The following CA5A variants were observed in gnomAD, a reference collection of about 807,000 sequenced individuals.
CA5A encodes the protein carbonic anhydrase 5A, mitochondrial.
A neutral mutation model predicts 37.1 loss-of-function variants in CA5A; 28 were observed. That is an observed-to-expected ratio of 0.75 (90% CI 0.56 to 1.03). The LOEUF is 1.03. CA5A is among the 50% of genes least tolerant of loss of function. CA5A has a pLI of 0.00. For synonymous variants in CA5A, 171 were observed against 158.4 expected (o/e 1.08, Z -0.60); for missense variants, 444 against 399.9 (o/e 1.11, Z -0.94).
chr16:87,897,668 G>T (rs1271986897), intron 5 of CA5A, among the ~76,000 whole-genome samples: 1 of 152,222 alleles, frequency 6.6e-6, no homozygotes, highest in African/African-American at 2.4e-5. Flanking sequence ...TGCGGGAGGT[G>T]GGCGCCAGGA....
At chr16:87,887,958 G>A (rs188747969), downstream of CA5A, 247 of 963,460 alleles carry the variant, frequency 2.6e-4, 2 homozygotes, top group African/African-American at 3.4e-3. Flanking sequence ...TGTTCCCCAC[G>A]GTACTTACAC....
At chr16:87,890,199 A>G (rs1445160127) in intron 6 of CA5A, among the ~76,000 whole-genome samples, 4 of 152,162 alleles carry the variant, frequency 2.6e-5, no homozygotes, top group Non-Finnish European at 4.4e-5. Flanking sequence ...TTCCTGCCAT[A>G]CAGCAGTGTT....
intron 5 of CA5A, among the ~76,000 whole-genome samples, chr16:87,892,710 G>A (rs1438489682): frequency 2.2e-5 from 2 of 90,250 alleles, no homozygotes; most frequent in African/African-American, 8.7e-5. Flanking sequence ...TTTTGCTCTT[G>A]TTGCCCAGGC....
At chr16:87,886,422 T>C (rs2055648627), downstream of CA5A, 1 of 152,188 alleles carries the variant, frequency 6.6e-6, no homozygotes, top group African/African-American at 2.4e-5. Flanking sequence ...AGCGCCCAGC[T>C]CCTGTTATTT....
intron 2 of CA5A, among the ~76,000 whole-genome samples, chr16:87,922,644 G>T (rs1000135446): frequency 1.1e-4 from 16 of 152,220 alleles, no homozygotes; most frequent in Admixed American, 2.0e-4. Context: ...CACAGCCTCC[G>T]CTGGGCTTGA....
At chr16:87,934,741 C>A (rs2056448601) in intron 1 of CA5A, among the ~76,000 whole-genome samples, 1 of 152,188 alleles carries the variant, frequency 6.6e-6, no homozygotes, top group African/African-American at 2.4e-5. Context: ...AGGTAGACCA[C>A]CTGAGGTCGG....
intron 1 of CA5A, among the ~76,000 whole-genome samples, chr16:87,933,123 C>T (rs1008670361): frequency 6.6e-6 from 1 of 152,194 alleles, no homozygotes; most frequent in African/African-American, 2.4e-5. Context: ...CAAGAAGACT[C>T]ACACACACCT....
intron 1 of CA5A, among the ~76,000 whole-genome samples, chr16:87,929,221 G>T (rs993072929): frequency 6.6e-6 from 1 of 151,578 alleles, no homozygotes; most frequent in Admixed American, 6.6e-5. Context: ...GGAGGCCAAG[G>T]TGGGTGGATC....
At chr16:87,905,143 AG>A (rs1393277204) in intron 2 of CA5A, among the ~76,000 whole-genome samples, 1 of 152,142 alleles carries the variant, frequency 6.6e-6, no homozygotes, top group Non-Finnish European at 1.5e-5. Context: ...GAATGAAGGC[AG>A]GGTCCCAGTG....
In CA5A at chr16:87,910,446, G is replaced by A. The variant is rs1436826835; in HGVS notation, c.341-5542C>T. ...TCGGTCACCTGCCCCAGTTTAGCCG[G>A]CAACCTCACCCAGGTCTGACGGTCC... On this transcript the variant is annotated intron_variant, in intron 2 of 6. Transcript: ENST00000649794. Among the ~76,000 whole-genome samples the A allele has an allele frequency of 2.6e-5, 4 of 152,274 alleles. No individual in the cohort carries two copies. In the East Asian group the frequency reaches 7.7e-4, roughly 29 times the overall value.
intron 2 of CA5A, among the ~76,000 whole-genome samples, chr16:87,908,938 C>T (rs2056006902): frequency 6.6e-6 from 1 of 152,094 alleles, no homozygotes; most frequent in Non-Finnish European, 1.5e-5. Context: ...GCCTCACTGC[C>T]TCAGCCTCCC....
chr16:87,919,044 C>T (rs1417053969), intron 2 of CA5A, among the ~76,000 whole-genome samples: 1 of 152,180 alleles, frequency 6.6e-6, no homozygotes, highest in Admixed American at 6.5e-5. Context: ...TTTCCATGGC[C>T]CGGGAGACAC....
intron 5 of CA5A, among the ~76,000 whole-genome samples, chr16:87,900,242 C>G (rs536162258): frequency 7.4e-4 from 112 of 152,298 alleles, no homozygotes; most frequent in African/African-American, 2.6e-3. Flanking sequence ...CAACCCCTGC[C>G]CAGGTTTCCT....
intron 5 of CA5A, among the ~76,000 whole-genome samples, chr16:87,901,706 G>C (rs953607258): frequency 2.6e-5 from 4 of 151,636 alleles, no homozygotes; most frequent in African/African-American, 9.7e-5. Context: ...TCCTGCCTCA[G>C]CCTCCCGAGT....
At chr16:87,924,405 G>A (rs1238804538) in intron 2 of CA5A, 2 of 765,088 alleles carry the variant, frequency 2.6e-6, no homozygotes, top group Non-Finnish European at 3.2e-6. Context: ...GTAGGGCCTG[G>A]CACAGAGAAG....
At chr16:87,906,793 G>A (rs1181556395) in intron 2 of CA5A, among the ~76,000 whole-genome samples, 2 of 152,196 alleles carry the variant, frequency 1.3e-5, no homozygotes, top group African/African-American at 4.8e-5. Context: ...AGCAACCTCA[G>A]AGTCATATCT....
intron 2 of CA5A, among the ~76,000 whole-genome samples, chr16:87,926,192 C>T (rs535793193): frequency 6.6e-6 from 1 of 152,112 alleles, no homozygotes; most frequent in African/African-American, 2.4e-5. Context: ...GCACTCCATC[C>T]TGAATGACAG....
In CA5A at chr16:87,894,584, A is replaced by C. The variant is rs1157946464; in HGVS notation, c.619-2630T>G. Among the ~76,000 whole-genome samples the C allele has an allele frequency of 5.3e-5, 8 of 152,210 alleles. No homozygotes were observed. The East Asian group carries it at 1.4e-3, about 26-fold the overall frequency. On this transcript the variant is annotated intron_variant, in intron 5 of 6. Coordinates refer to ENST00000649794, the MANE Select transcript of CA5A (RefSeq NM_001739.2). Reference sequence around the variant, plus strand: ...ATTATCCAGTTAATTAAAAAAAAAAAAACAGCATTATAGGCTGGGCACAGT... The same window carrying C: ...ATTATCCAGTTAATTAAAAAAAAAACAACAGCATTATAGGCTGGGCACAGT...
intron 6 of CA5A, among the ~76,000 whole-genome samples, chr16:87,888,481 G>C (rs570419940): frequency 1.2e-4 from 18 of 152,252 alleles, no homozygotes; most frequent in African/African-American, 4.3e-4. Context: ...CACTTGCTCT[G>C]GGGGGAAGCT....
Sources: allele counts gnomAD v4.1 joint callset (sites outside exome capture counted in the v4.1 genomes callset), GRCh38; gene constraint gnomAD v4.1.1; transcripts MANE v1.5; gene names NCBI Gene and HGNC (gene_info 2026-07-23, HGNC 2026-07-21).